Variants in RERE observed in about 807,000 individuals in gnomAD.
The protein encoded by RERE is arginine-glutamic acid dipeptide repeats.
Under a neutral mutation model 146.1 loss-of-function variants are expected in RERE, and 40 were observed. That is an observed-to-expected ratio of 0.27 (90% confidence interval 0.21 to 0.36). The LOEUF is 0.36. Among genes scored for constraint, RERE ranks in the 10% least tolerant of loss-of-function variants. The probability of loss-of-function intolerance (pLI) is 1.00; values close to 1 mark genes in which losing one functional copy is unlikely to be tolerated. For synonymous variants in RERE, 1,003 were observed against 866.0 expected, an observed-to-expected ratio of 1.16 and a Z score of -2.78; for missense variants, 1,933 against 2,138.7, an observed-to-expected ratio of 0.90 and a Z score of 1.90.
At chr1:8,582,644 C>T (rs2124066592) in intron 4 of RERE, among the ~76,000 whole-genome samples, 1 of 152,184 alleles carries the variant, frequency 6.6e-6, no homozygotes, top group Non-Finnish European at 1.5e-5. Flanking sequence ...ATTGTTGAAC[C>T]TGGGAGGCAG....
intron 1 of RERE, among the ~76,000 whole-genome samples, chr1:8,731,479 C>T (rs534420485): frequency 6.6e-6 from 1 of 152,168 alleles, no homozygotes; most frequent in Non-Finnish European, 1.5e-5. Context: ...ATAAACTCTT[C>T]GGAAGATCAC....
chr1:8,557,498 T>C lies in RERE; in HGVS notation c.548A>G (p.Asn183Ser). 1 of 1,612,734 alleles carries C rather than the reference T, an allele frequency of 6.2e-7. No homozygotes were observed. The highest frequency in any genetic ancestry group is 8.5e-7 in the Non-Finnish European group (1 of 1,178,716). ...VGSKRDHLLM[N>S]VKWYYRQSEV... ...AGATTGACGGTAGTACCATTTGACG[T>C]TCATGAGGAGATGGTCCCTCTTACT... The change falls in exon 5 of 23, where the codon AAC (asparagine) becomes AGC (serine). Residue 183 changes from asparagine to serine, a missense_variant. By Grantham distance (46) the Asn-to-Ser change is conservative (BLOSUM62 1). This residue lies in a region of RERE where 74 missense variants were observed against 99.6 expected (regional missense o/e 0.74). Coordinates refer to ENST00000400908, the MANE Select transcript of RERE (RefSeq NM_001042681.2).
In RERE at chr1:8,763,263, ATAAG is replaced by A. The variant is rs552355713; in HGVS notation, c.-145+53893_-145+53896del. On this transcript the variant is annotated intron_variant, in intron 1 of 22. Coordinates refer to ENST00000400908, the MANE Select transcript of RERE (RefSeq NM_001042681.2). ...TCAGAAATAAGACGTCCTTAAAAAAATAAGTAAGAGGTACTTCTTGAAAACTAAA... is the reference window on the plus strand; with the variant it reads ...TCAGAAATAAGACGTCCTTAAAAAAATAAGAGGTACTTCTTGAAAACTAAA... 3.2e-4 allele frequency among the ~76,000 whole-genome samples: 49 copies of A among 152,346 alleles called. No homozygotes were observed. In the South Asian group the frequency reaches 6.0e-3, roughly 19 times the overall value.
intron 1 of RERE, among the ~76,000 whole-genome samples, chr1:8,813,817 G>A (rs539498818): frequency 6.6e-6 from 1 of 152,066 alleles, no homozygotes. Context: ...GTTTCACCAT[G>A]TTGGCCAGGC....
chr1:8,781,626 C>A (rs1330616242), intron 1 of RERE, among the ~76,000 whole-genome samples: 1 of 151,400 alleles, frequency 6.6e-6, no homozygotes, highest in African/African-American at 2.4e-5. Flanking sequence ...CCTCCATTTT[C>A]TCACAATTAT....
intron 11 of RERE, among the ~76,000 whole-genome samples, chr1:8,435,466 T>TTA (rs1644157073): frequency 6.6e-6 from 1 of 152,222 alleles, no homozygotes; most frequent in Admixed American, 6.5e-5. Context: ...TCAACGTCTC[T>TTA]TAATATATAT....
intron 1 of RERE, among the ~76,000 whole-genome samples, chr1:8,747,043 G>A (rs959086931): frequency 1.3e-5 from 2 of 151,716 alleles, no homozygotes; most frequent in African/African-American, 4.8e-5. Context: ...ACGGAGTCTC[G>A]CTCTGTCGCC....
intron 2 of RERE, among the ~76,000 whole-genome samples, chr1:8,639,625 T>C (rs1647149662): frequency 6.6e-6 from 1 of 152,190 alleles, no homozygotes; most frequent in African/African-American, 2.4e-5. Context: ...AATTACCAGA[T>C]GCAAACTTCA....
chr1:8,516,670 T>A (rs886606866), intron 7 of RERE, among the ~76,000 whole-genome samples: 1 of 152,050 alleles, frequency 6.6e-6, no homozygotes, highest in Non-Finnish European at 1.5e-5. Flanking sequence ...TCAATCACAC[T>A]CCCATATGGC....
intron 12 of RERE, among the ~76,000 whole-genome samples, chr1:8,418,542 TAAGTA>T (rs931077873): frequency 2.6e-5 from 4 of 152,140 alleles, no homozygotes; most frequent in Non-Finnish European, 4.4e-5. Flanking sequence ...TGAATTTGTC[TAAGTA>T]ATAGGAGACA....
At position 8,360,997 on chromosome 1, in the gene RERE, G is replaced by A. The variant is rs1380842600; in HGVS notation, c.2510C>T (p.Ser837Phe). 3 of 1,439,284 alleles carry A rather than the reference G, an allele frequency of 2.1e-6. No individual in the cohort carries two copies. The highest frequency in any genetic ancestry group is 1.5e-5 in the South Asian group (1 of 68,240). The allele number at this position is 1,439,284 out of a possible 1,614,324, so 89.2% of individuals were successfully genotyped here. The stretch of plus-strand genomic sequence containing the variant: ...TGGGGGCTGGGCATGAGAGGGTGCA[G>A]AAGGCTGGCCCGCCGACCCAGTCAG... ...QPLTGSAGQPSAPSHAQPPLH... is the reference protein window; with the variant it reads ...QPLTGSAGQPFAPSHAQPPLH... The change falls in exon 18 of 23, where the codon TCT (serine) becomes TTT (phenylalanine). Residue 837 changes from serine to phenylalanine, a missense_variant. Coordinates refer to ENST00000400908, the MANE Select transcript of RERE (RefSeq NM_001042681.2).
intron 1 of RERE, among the ~76,000 whole-genome samples, chr1:8,769,362 T>C (rs1035022148): frequency 6.6e-6 from 1 of 152,228 alleles, no homozygotes; most frequent in Non-Finnish European, 1.5e-5. Flanking sequence ...AATAAATGAC[T>C]GTCCAAGTAC....
At chr1:8,475,972 G>A (rs747499613) in intron 10 of RERE, among the ~76,000 whole-genome samples, 17 of 152,240 alleles carry the variant, frequency 1.1e-4, no homozygotes, top group Non-Finnish European at 1.8e-4. Flanking sequence ...TTTAACTGCA[G>A]AGGGTAGGGC....
At chr1:8,590,063 A>C (rs531163814) in intron 4 of RERE, among the ~76,000 whole-genome samples, 1 of 152,270 alleles carries the variant, frequency 6.6e-6, no homozygotes, top group East Asian at 1.9e-4. Flanking sequence ...CCTCAGGACT[A>C]AGTCAGTCCC....
intron 1 of RERE, among the ~76,000 whole-genome samples, chr1:8,675,536 T>C (rs1042653011): frequency 4.0e-5 from 6 of 148,678 alleles, no homozygotes; most frequent in East Asian, 1.9e-4. Flanking sequence ...TAGACAGGCG[T>C]GGTGGCAAGC....
chr1:8,362,613 G>T, intron 16 of RERE, 70 bp downstream of exon 16: 1 of 1,586,594 alleles, frequency 6.3e-7, no homozygotes, highest in South Asian at 1.1e-5. Flanking sequence ...AGCTGATCAC[G>T]AATACCAGCA....
At chr1:8,615,888 A>C (rs1163274434) in intron 3 of RERE, among the ~76,000 whole-genome samples, 1 of 121,044 alleles carries the variant, frequency 8.3e-6, no homozygotes, top group East Asian at 2.4e-4. Flanking sequence ...AAAGATGACC[A>C]TCTAGAGTAC....
Position 8,358,861 on chromosome 1 carries a change from G to A in RERE, c.3674C>T (p.Pro1225Leu). 1 of 1,592,638 alleles carries A rather than the reference G, an allele frequency of 6.3e-7. No individual in the cohort carries two copies. Among genetic ancestry groups the A allele is most frequent in the African/African-American group, 1.3e-5 (1 of 74,760 alleles). Residue 1225 changes from proline to leucine, a missense_variant, in exon 20 of 23, where the codon CCT becomes CTT. Pro to Leu is a moderately conservative substitution (Grantham distance 98). Coordinates refer to ENST00000400908, the MANE Select transcript of RERE (RefSeq NM_001042681.2). ...GRLSDPQLSG[P>L]GHMRPSFEPP... ...CTCGAAGGATGGCCGCATGTGGCCA[G>A]GACCACTGAGCTGTGGGTCACTGAG...
At chr1:8,521,176 CAAAA>C (rs36115526) in intron 7 of RERE, among the ~76,000 whole-genome samples, 2 of 109,964 alleles carry the variant, frequency 1.8e-5, no homozygotes, top group East Asian at 2.8e-4. Context: ...TTCTTTTTTT[CAAAA>C]AAAAAAAAAA....
Sources: gnomAD v4.1 joint callset for allele counts (sites outside exome capture counted in the v4.1 genomes callset) on GRCh38, gnomAD v4.1.1 for gene constraint, gnomAD v4.1.1 regional missense constraint, MANE v1.5 for transcripts, NCBI Gene and HGNC (gene_info 2026-07-23, HGNC 2026-07-21) for gene names.